Variants in ERAP1 observed in about 807,000 individuals in gnomAD.
ERAP1 encodes the protein endoplasmic reticulum aminopeptidase 1.
Under a neutral mutation model 103.7 loss-of-function variants are expected in ERAP1, and 86 were observed. That is an observed-to-expected ratio of 0.83 (90% confidence interval 0.70 to 0.99). The LOEUF is 0.99. Among genes scored for constraint, ERAP1 ranks in the 50% least tolerant of loss-of-function variants. ERAP1 has a pLI of 0.00. For missense variants in ERAP1, 1,009 were observed against 1,128.4 expected (o/e 0.89, Z 1.52); for synonymous variants, 398 against 402.4 (o/e 0.99, Z 0.13).
the ERAP1 span, chr5:96,895,330 GT>G: frequency 2.5e-6 from 4 of 1,611,566 alleles, no homozygotes. Flanking sequence ...ACTTATCGCT[GT>G]TAATGCTACA....
the ERAP1 span, chr5:96,908,970 A>T: frequency 1.2e-6 from 2 of 1,614,044 alleles, no homozygotes; most frequent in Non-Finnish European, 1.7e-6. Context: ...GTGCAGGGAG[A>T]CTGACCCTAG....
In ERAP1 at chr5:96,793,895, T is replaced by C. The variant is rs371320592; in HGVS notation, c.982A>G (p.Arg328Gly). The C allele has an allele frequency of 1.3e-4, 205 of 1,614,084 alleles. No homozygotes were observed. The Middle Eastern group carries it at 3.8e-3, about 30-fold the overall frequency. The change falls in exon 6 of 19, where the codon AGA becomes GGA. Residue 328 changes from arginine to glycine, a missense_variant. Coordinates refer to ENST00000443439, the MANE Select transcript of ERAP1 (RefSeq NM_001040458.3). ...AMENWGLTTY[R>G]ESALLFDAEK... The stretch of plus-strand genomic sequence containing the variant: ...GCATCAAACAACAGAGCAGATTCTC[T>C]ATATGTTGTCAGTCCCCAGTTTTCC...
At chr5:96,856,782 T>C in the ERAP1 span, among the ~76,000 whole-genome samples, 1 of 152,224 alleles carries the variant, frequency 6.6e-6, no homozygotes, top group Non-Finnish European at 1.5e-5. Flanking sequence ...TCTCTCCCAC[T>C]TGATACCATA....
chr5:96,886,281 G>A, the ERAP1 span, among the ~76,000 whole-genome samples: 628 of 152,342 alleles, frequency 4.1e-3, 6 homozygotes, highest in African/African-American at 0.015. Flanking sequence ...CAAATAAAGG[G>A]AAAGGGGCCA....
the ERAP1 span, chr5:96,917,507 G>T: frequency 1.2e-6 from 2 of 1,613,734 alleles, no homozygotes; most frequent in Admixed American, 1.7e-5. Flanking sequence ...ATCACATCTG[G>T]ATATTTTTCA....
the ERAP1 span, among the ~76,000 whole-genome samples, chr5:96,847,083 CAAAAAAA>C: frequency 7.5e-6 from 1 of 133,510 alleles, no homozygotes; most frequent in Non-Finnish European, 1.6e-5. Flanking sequence ...TACTAAAATA[CAAAAAAA>C]AAAAAAAAAT....
the ERAP1 span, among the ~76,000 whole-genome samples, chr5:96,882,189 T>C: frequency 6.6e-6 from 1 of 152,158 alleles, no homozygotes; most frequent in Non-Finnish European, 1.5e-5. Context: ...ATAGGAAAAG[T>C]GTCAACTTCT....
At chr5:96,840,984 A>G in the ERAP1 span, among the ~76,000 whole-genome samples, 1 of 152,188 alleles carries the variant, frequency 6.6e-6, no homozygotes, top group Non-Finnish European at 1.5e-5. Context: ...GATTACAGGC[A>G]TGAGCCACTG....
chr5:96,829,226 T>C, the ERAP1 span, among the ~76,000 whole-genome samples: 1 of 152,208 alleles, frequency 6.6e-6, no homozygotes, highest in South Asian at 2.1e-4. Context: ...TGTATACAGA[T>C]AGTATTGACA....
At chr5:96,875,886 A>G in the ERAP1 span, 1 of 152,572 alleles carries the variant, frequency 6.6e-6, no homozygotes, top group African/African-American at 2.4e-5. Context: ...AGCAAAGGCC[A>G]GAGGTTTCAT....
chr5:96,809,749 C>T (rs927386846), upstream of ERAP1, among the ~76,000 whole-genome samples: 2 of 152,104 alleles, frequency 1.3e-5, no homozygotes, highest in African/African-American at 2.4e-5. Flanking sequence ...TCCAAGACCT[C>T]CAGACATCTC....
chr5:96,813,695 A>G, the ERAP1 span, among the ~76,000 whole-genome samples: 1 of 149,656 alleles, frequency 6.7e-6, no homozygotes, highest in Non-Finnish European at 1.5e-5. Flanking sequence ...CTGCCTGCAT[A>G]AGGCATCTTC....
At chr5:96,933,956 T>C in the ERAP1 span, among the ~76,000 whole-genome samples, 10 of 152,220 alleles carry the variant, frequency 6.6e-5, no homozygotes, top group African/African-American at 2.4e-4. Context: ...ATTAGGGAGA[T>C]AGCAGCTCTG....
chr5:96,895,031 A>C, the ERAP1 span, among the ~76,000 whole-genome samples: 8 of 152,032 alleles, frequency 5.3e-5, no homozygotes, highest in South Asian at 2.1e-4. Context: ...AGAACACACA[A>C]AAAAAAGAAA....
At chr5:96,878,228 T>TA in the ERAP1 span, among the ~76,000 whole-genome samples, 79,385 of 151,888 alleles carry the variant, frequency 0.52, 20,926 homozygotes, top group South Asian at 0.61. Flanking sequence ...AACCGAACCT[T>TA]AAAAAAATTC....
chr5:96,856,373 G>T, the ERAP1 span, among the ~76,000 whole-genome samples: 766 of 82,842 alleles, frequency 9.2e-3, 6 homozygotes, highest in South Asian at 0.026. Flanking sequence ...TATAGAGAGA[G>T]AGAGAGAGAG....
chr5:96,827,239 G>C, the ERAP1 span, among the ~76,000 whole-genome samples: 1 of 152,182 alleles, frequency 6.6e-6, no homozygotes, highest in Non-Finnish European at 1.5e-5. Flanking sequence ...AGTAGTTCTC[G>C]TGAGTCTTTT....
At chr5:96,917,100 A>G in the ERAP1 span, among the ~76,000 whole-genome samples, 1 of 152,126 alleles carries the variant, frequency 6.6e-6, no homozygotes, top group Non-Finnish European at 1.5e-5. Flanking sequence ...TTGGAAGACG[A>G]AGTGGTTTTA....
At chr5:96,848,476 T>C in the ERAP1 span, among the ~76,000 whole-genome samples, 1 of 152,092 alleles carries the variant, frequency 6.6e-6, no homozygotes, top group African/African-American at 2.4e-5. Flanking sequence ...GACACAGAAA[T>C]ACAAAGAATC....
Sources: gnomAD v4.1 joint callset for allele counts (sites outside exome capture counted in the v4.1 genomes callset) on GRCh38, gnomAD v4.1.1 for gene constraint, MANE v1.5 for transcripts, NCBI Gene and HGNC (gene_info 2026-07-23, HGNC 2026-07-21) for gene names.